The following SIK3 variants were observed in gnomAD, a reference collection of about 807,000 sequenced individuals.
The protein encoded by SIK3 is serine/threonine-protein kinase SIK3.
A neutral mutation model predicts 144.2 loss-of-function variants in SIK3; 28 were observed. The ratio of observed to expected loss-of-function variants is 0.19; its 90% CI spans 0.14 to 0.27. SIK3 has a LOEUF of 0.27. SIK3 is among the 10% of genes least tolerant of loss of function. The pLI, the probability that SIK3 is intolerant of heterozygous loss-of-function variation, is 1.00. For missense variants in SIK3, 1,319 were observed against 1,776.0 expected, an observed-to-expected ratio of 0.74 and a Z score of 4.62; for synonymous variants, 686 against 676.3, an observed-to-expected ratio of 1.01 and a Z score of -0.22.
chr11:116,952,960 C>A (rs1451029885), intron 3 of SIK3, among the ~76,000 whole-genome samples: 3 of 152,142 alleles, frequency 2.0e-5, no homozygotes, highest in African/African-American at 7.2e-5. Flanking sequence ...TTAGCTTTGA[C>A]ATTAACTAAT....
rs532310359 is a variant in SIK3 at position 116,902,380 on chromosome 11, C to T, written c.617-5063G>A. Among the ~76,000 whole-genome samples, 8 of 152,268 alleles carry T rather than the reference C, an allele frequency of 5.3e-5. No individual in the cohort carries two copies. In the South Asian group the frequency reaches 1.7e-3, roughly 32 times the overall value. Reference sequence around the variant, plus strand: ...TAGTGTGAGCTTGTTATTTTATCTACCAAACAGGAAACTGTTACAAAGAAA... The same window carrying T: ...TAGTGTGAGCTTGTTATTTTATCTATCAAACAGGAAACTGTTACAAAGAAA... On this transcript the variant is annotated intron_variant, in intron 4 of 24. Transcript: ENST00000445177.
chr11:116,955,513 C>T (rs1220788507), intron 2 of SIK3, among the ~76,000 whole-genome samples: 2 of 152,242 alleles, frequency 1.3e-5, no homozygotes, highest in African/African-American at 4.8e-5. Flanking sequence ...TGGAAATCCT[C>T]ATAGGCTAAT....
At chr11:117,091,149 A>ATTAT (rs1430518343) in intron 1 of SIK3, among the ~76,000 whole-genome samples, 6 of 151,382 alleles carry the variant, frequency 4.0e-5, no homozygotes, top group Non-Finnish European at 5.9e-5. Flanking sequence ...TCTAATGGAT[A>ATTAT]ATTGGTCTAA....
Position 116,849,063 on chromosome 11 carries a change from G to A in SIK3, c.3819+57C>T. 1 of 1,528,832 alleles carries A rather than the reference G, an allele frequency of 6.5e-7. No individual in the cohort carries two copies. Among genetic ancestry groups the A allele is most frequent in the East Asian group, 2.3e-5 (1 of 43,764 alleles). 94.7% of individuals were successfully genotyped at this position (1,528,832 alleles called of 1,614,324 possible). ...AGGCTACCCCACATCACTATACTCTGTTTCAAGGCTGGGACTGGGAGGATC... is the reference window on the plus strand; with the variant it reads ...AGGCTACCCCACATCACTATACTCTATTTCAAGGCTGGGACTGGGAGGATC... On this transcript the variant is annotated intron_variant, in intron 22 of 24. Transcript: ENST00000445177. The surrounding 1 kb of genome is among the most constrained non-coding windows in gnomAD (Gnocchi z 4.2).
At chr11:116,966,202 G>A (rs1476286174) in intron 1 of SIK3, among the ~76,000 whole-genome samples, 1 of 151,918 alleles carries the variant, frequency 6.6e-6, no homozygotes, top group Non-Finnish European at 1.5e-5. Context: ...GACCGGCCTG[G>A]GCAACACAGC....
rs1026673675 is a variant in SIK3, at chr11:116,969,250, A to G, written c.274-12186T>C. On this transcript the variant is annotated intron_variant, in intron 1 of 24. Transcript: ENST00000445177. ...GCTTGCAGTGAGCCGAGATGGCACC[A>G]CCGCACTCCAGCCTGGGAGACAGAG... 2.9e-5 allele frequency among the ~76,000 whole-genome samples: 4 copies of G among 138,600 alleles called. No homozygotes were observed. In the East Asian group the frequency reaches 8.8e-4, roughly 31 times the overall value. The allele number at this position is 138,600 out of a possible 152,430, so 90.9% of individuals were successfully genotyped here.
At chr11:116,896,751 T>G (rs1945421845) in intron 5 of SIK3, among the ~76,000 whole-genome samples, 1 of 152,144 alleles carries the variant, frequency 6.6e-6, no homozygotes, top group Non-Finnish European at 1.5e-5. Context: ...GTAGGCCGGG[T>G]GCAGTGGCTC....
chr11:116,862,795 C>T (rs747788964), intron 16 of SIK3, among the ~76,000 whole-genome samples: 10 of 152,126 alleles, frequency 6.6e-5, no homozygotes, highest in Non-Finnish European at 1.2e-4. Flanking sequence ...GAGTGCCAGG[C>T]GCGCAAGGTG....
intron 1 of SIK3, among the ~76,000 whole-genome samples, chr11:116,986,785 C>T (rs974814641): frequency 2.6e-4 from 39 of 152,336 alleles, no homozygotes; most frequent in African/African-American, 9.1e-4. Context: ...ACTACCAACA[C>T]TCATGGATCA....
At chr11:116,926,665 T>C (rs1461198330) in intron 4 of SIK3, among the ~76,000 whole-genome samples, 2 of 152,164 alleles carry the variant, frequency 1.3e-5, no homozygotes, top group Non-Finnish European at 2.9e-5. Flanking sequence ...ACCAAAGTAA[T>C]AGTATTTTAA....
At chr11:117,022,516 C>T (rs1217891170) in intron 1 of SIK3, among the ~76,000 whole-genome samples, 2 of 152,100 alleles carry the variant, frequency 1.3e-5, no homozygotes, top group Non-Finnish European at 2.9e-5. Context: ...ATCAAATACC[C>T]ATGGGGCTTT....
chr11:117,061,198 G>A (rs190078061), intron 1 of SIK3, among the ~76,000 whole-genome samples: 3 of 151,862 alleles, frequency 2.0e-5, no homozygotes, highest in East Asian at 1.9e-4. Flanking sequence ...GGTAAGCTGC[G>A]ATCATACCAC....
At chr11:117,005,601 C>T (rs979060327) in intron 1 of SIK3, among the ~76,000 whole-genome samples, 1 of 152,056 alleles carries the variant, frequency 6.6e-6, no homozygotes, top group Non-Finnish European at 1.5e-5. Flanking sequence ...TTTAATAACT[C>T]TGGAACTTCA....
chr11:117,059,497 CT>C (rs2135948765), intron 1 of SIK3, among the ~76,000 whole-genome samples: 1 of 152,262 alleles, frequency 6.6e-6, no homozygotes, highest in East Asian at 1.9e-4. Flanking sequence ...AAGAAGCTTT[CT>C]TAACTTGATG....
chr11:117,030,215 C>G (rs543212300), intron 1 of SIK3, among the ~76,000 whole-genome samples: 66 of 152,220 alleles, frequency 4.3e-4, no homozygotes, highest in Admixed American at 9.2e-4. Flanking sequence ...TAACAAAGGC[C>G]TCTAAGATGC....
chr11:116,875,193 T>C lies in SIK3; in HGVS notation c.1392A>G (p.Ser464=), dbSNP rs61907564. The stretch of plus-strand genomic sequence containing the variant: ...CCACACCCACTGTGTGCCTCCTCAT[T>C]GACAAATAGCGCACCAATGCTTCAG... The part of the protein sequence containing the change: ...PSPEALVRYL[S]MRRHTVGVAD... Residue 464 remains serine, a synonymous_variant, in exon 11 of 25, where the codon TCA becomes TCG. Coordinates refer to ENST00000445177, the MANE Select transcript of SIK3 (RefSeq NM_001366686.3). 3,030 of 1,614,136 alleles carry C rather than the reference T, an allele frequency of 1.9e-3. 5 individuals are homozygous for C. The highest frequency in any genetic ancestry group is 2.4e-3 in the Non-Finnish European group (2,856 of 1,180,024).
intron 1 of SIK3, among the ~76,000 whole-genome samples, chr11:117,023,678 A>T (rs1292980927): frequency 1.4e-5 from 2 of 147,534 alleles, no homozygotes; most frequent in Non-Finnish European, 3.0e-5. Flanking sequence ...CTTGGGAGTA[A>T]CTTTTATCTT....
chr11:117,020,751 G>T (rs902845786), intron 1 of SIK3, among the ~76,000 whole-genome samples: 3 of 152,162 alleles, frequency 2.0e-5, no homozygotes, highest in African/African-American at 7.2e-5. Flanking sequence ...TACTCTTCCA[G>T]GCTTTGCCCT....
intron 1 of SIK3, among the ~76,000 whole-genome samples, chr11:117,092,753 G>C (rs1955303022): frequency 6.6e-6 from 1 of 152,190 alleles, no homozygotes; most frequent in Non-Finnish European, 1.5e-5. Flanking sequence ...CTGGTGAGTA[G>C]AAAGCATTTC....
Sources: allele counts gnomAD v4.1 joint callset (sites outside exome capture counted in the v4.1 genomes callset), GRCh38; gene constraint gnomAD v4.1.1; non-coding constraint Gnocchi (gnomAD v3.1); transcripts MANE v1.5; gene names NCBI Gene and HGNC (gene_info 2026-07-23, HGNC 2026-07-21).